The following IL1RAPL2 variants were observed in gnomAD, a reference collection of about 807,000 sequenced individuals.
The protein encoded by IL1RAPL2 is X-linked interleukin-1 receptor accessory protein-like 2.
In IL1RAPL2, 3 loss-of-function variants were observed where a neutral mutation model predicts 44.1. The ratio of observed to expected loss-of-function variants is 0.07; its 90% CI spans 0.03 to 0.18. The LOEUF (loss-of-function observed/expected upper bound fraction) is 0.18. Ranked by LOEUF, IL1RAPL2 falls within the 10% of genes least tolerant of loss-of-function variation. IL1RAPL2 has a pLI of 1.00. For synonymous variants in IL1RAPL2, 181 were observed against 178.8 expected, an observed-to-expected ratio of 1.01 and a Z score of -0.10; for missense variants, 391 against 496.4, an observed-to-expected ratio of 0.79 and a Z score of 2.02.
chrX:104,902,679 A>G (rs1471269169), intron 2 of IL1RAPL2, among the ~76,000 whole-genome samples: 4 of 112,048 alleles, frequency 3.6e-5, no homozygotes, highest in Non-Finnish European at 5.6e-5. Flanking sequence ...AATGTGTTCT[A>G]TTTTCCTGTC....
chrX:105,714,940 T>G (rs1323439018), intron 6 of IL1RAPL2, among the ~76,000 whole-genome samples: 1 of 112,067 alleles, frequency 8.9e-6, no homozygotes, highest in Non-Finnish European at 1.9e-5. Flanking sequence ...TCCTGTAAAT[T>G]TTTAAATAAC....
At chrX:104,657,372 A>G (rs990475315) in intron 1 of IL1RAPL2, among the ~76,000 whole-genome samples, 3 of 111,692 alleles carry the variant, frequency 2.7e-5, no homozygotes, top group Non-Finnish European at 3.8e-5. Flanking sequence ...AGAAATGGGG[A>G]AAGGATTACC....
chrX:104,890,292 T>C (rs1483901409), intron 2 of IL1RAPL2, among the ~76,000 whole-genome samples: 2 of 112,102 alleles, frequency 1.8e-5, no homozygotes, highest in East Asian at 2.8e-4. Context: ...GCATGATTTA[T>C]AGTCCTTTGG....
rs762717937 is a variant in IL1RAPL2, at chrX:104,992,894, T to C, written c.83-202581T>C. Among the ~76,000 whole-genome samples, 7 of 111,392 alleles carry C rather than the reference T, an allele frequency of 6.3e-5. No individual in the cohort carries two copies. In the South Asian group the frequency reaches 2.7e-3, roughly 43 times the overall value. ...AGAATAGGGAAAACTTAATTTTAGA[T>C]TTGCAGTTTCTCTTGAGTTAGAGTC... On this transcript the variant is annotated intron_variant, in intron 2 of 10. Transcript: ENST00000372582.
intron 6 of IL1RAPL2, among the ~76,000 whole-genome samples, chrX:105,670,103 C>CTGTA: frequency 1.1e-4 from 1 of 8,774 alleles, no homozygotes; most frequent in Non-Finnish European, 2.2e-4. Flanking sequence ...TCTGGGTTTC[C>CTGTA]TGTATATATA....
intron 2 of IL1RAPL2, among the ~76,000 whole-genome samples, chrX:105,187,266 G>A (rs2033597095): frequency 9.0e-6 from 1 of 111,713 alleles, no homozygotes; most frequent in African/African-American, 3.3e-5. Context: ...AGCCTTTTAA[G>A]GCCTATTTTA....
intron 2 of IL1RAPL2, among the ~76,000 whole-genome samples, chrX:105,114,528 T>G (rs1356928796): frequency 9.0e-6 from 1 of 111,381 alleles, no homozygotes; most frequent in Non-Finnish European, 1.9e-5. Context: ...TAAAGTTGAT[T>G]TAAACCGGAG....
At chrX:104,594,725 T>C (rs919864601) in intron 1 of IL1RAPL2, among the ~76,000 whole-genome samples, 2 of 111,432 alleles carry the variant, frequency 1.8e-5, no homozygotes, top group Admixed American at 9.6e-5. Context: ...CTACCAACTT[T>C]AGAGTAATTG....
intron 2 of IL1RAPL2, among the ~76,000 whole-genome samples, chrX:105,145,677 G>A (rs977919074): frequency 2.7e-5 from 3 of 110,881 alleles, no homozygotes; most frequent in African/African-American, 6.6e-5. Context: ...TGTGGATGTC[G>A]AATCATTTAT....
chrX:105,660,186 T>A (rs975257333), intron 6 of IL1RAPL2, among the ~76,000 whole-genome samples: 1 of 111,175 alleles, frequency 9.0e-6, no homozygotes. Context: ...AATCAGATTC[T>A]CAGTGGAAAC....
chrX:105,061,847 A>G (rs372293118), intron 2 of IL1RAPL2, among the ~76,000 whole-genome samples: 4 of 112,117 alleles, frequency 3.6e-5, no homozygotes, highest in African/African-American at 1.3e-4. Context: ...TGATACAAGG[A>G]TAGATACTGC....
chrX:105,333,717 A>G (rs1248266072), intron 5 of IL1RAPL2, among the ~76,000 whole-genome samples: 2 of 111,577 alleles, frequency 1.8e-5, no homozygotes, highest in East Asian at 2.8e-4. Flanking sequence ...ATTGGAATAG[A>G]CATTTCTCAA....
chrX:105,613,087 CT>C (rs1273556403), intron 6 of IL1RAPL2, among the ~76,000 whole-genome samples: 2 of 111,596 alleles, frequency 1.8e-5, no homozygotes, highest in African/African-American at 3.3e-5. Flanking sequence ...AAAAAGATAC[CT>C]TTTGACTACT....
intron 7 of IL1RAPL2, among the ~76,000 whole-genome samples, chrX:105,727,393 C>CTTAT (rs1330525621): frequency 9.0e-6 from 1 of 111,462 alleles, no homozygotes; most frequent in Non-Finnish European, 1.9e-5. Context: ...TTCAGCATTG[C>CTTAT]TTATTTTAGT....
chrX:105,740,859 A>G (rs1448248529), intron 8 of IL1RAPL2, among the ~76,000 whole-genome samples, 168 bp downstream of exon 8: 1 of 111,925 alleles, frequency 8.9e-6, no homozygotes, highest in Non-Finnish European at 1.9e-5. Flanking sequence ...TAAAATACCT[A>G]TGATCTTCAA....
intron 2 of IL1RAPL2, among the ~76,000 whole-genome samples, chrX:105,176,297 G>A (rs2033473600): frequency 9.0e-6 from 1 of 110,950 alleles, no homozygotes; most frequent in Non-Finnish European, 1.9e-5. Context: ...AAAAGGTGAG[G>A]CCAGCATACT....
intron 2 of IL1RAPL2, among the ~76,000 whole-genome samples, chrX:104,885,833 C>G (rs1923223904): frequency 8.9e-6 from 1 of 112,630 alleles, no homozygotes; most frequent in South Asian, 3.7e-4. Context: ...AACAAGCCAC[C>G]CTCTCATCCA....
rs148865531 is a variant in IL1RAPL2 at position 105,547,819 on chromosome X, C to T, written c.772+63432C>T. Among the ~76,000 whole-genome samples, 269 of 112,350 alleles carry T rather than the reference C, an allele frequency of 2.4e-3. 1 individual carries two copies. The Middle Eastern group carries it at 0.028, about 12-fold the overall frequency. On this transcript the variant is annotated intron_variant, in intron 6 of 10. Coordinates refer to ENST00000372582, the MANE Select transcript of IL1RAPL2 (RefSeq NM_017416.2). ...GTTAATATCTCTTTGCAAAACAAATCGCATGACCAAGCCTAGCTTCAAGAT... is the reference window on the plus strand; with the variant it reads ...GTTAATATCTCTTTGCAAAACAAATTGCATGACCAAGCCTAGCTTCAAGAT...
At chrX:105,648,000 G>A (rs2147842052) in intron 6 of IL1RAPL2, among the ~76,000 whole-genome samples, 1 of 111,960 alleles carries the variant, frequency 8.9e-6, no homozygotes, top group Non-Finnish European at 1.9e-5. Flanking sequence ...ATAGCACAAT[G>A]TAAGAAAAAG....
Sources: gnomAD v4.1 joint callset for allele counts (sites outside exome capture counted in the v4.1 genomes callset) on GRCh38, gnomAD v4.1.1 for gene constraint, MANE v1.5 for transcripts, NCBI Gene and HGNC (gene_info 2026-07-23, HGNC 2026-07-21) for gene names.